Variants in CWC27 observed in about 807,000 individuals in gnomAD.
CWC27 encodes CWC27 spliceosome associated cyclophilin, also known as spliceosome-associated protein CWC27 homolog.
CWC27 carries 47 observed loss-of-function variants against 63.6 expected under a neutral mutation model. The ratio of observed to expected loss-of-function variants is 0.74; its 90% CI spans 0.58 to 0.94. The LOEUF (loss-of-function observed/expected upper bound fraction) is 0.94, where lower values mean the gene tolerates loss of function less well. CWC27 is among the 40% of genes least tolerant of loss of function. The pLI, the probability that CWC27 is intolerant of heterozygous loss-of-function variation, is 0.00. For missense variants in CWC27, 495 were observed against 554.3 expected (o/e 0.89, Z 1.07); for synonymous variants, 175 against 179.8 (o/e 0.97, Z 0.22).
At chr5:64,988,551 G>T (rs1749477247) in intron 13 of CWC27, among the ~76,000 whole-genome samples, 1 of 151,052 alleles carries the variant, frequency 6.6e-6, no homozygotes, top group African/African-American at 2.4e-5. Context: ...ATTTGTATCT[G>T]TCCCATGTAT....
At chr5:64,975,462 G>T (rs963421649) in intron 12 of CWC27, among the ~76,000 whole-genome samples, 1 of 151,990 alleles carries the variant, frequency 6.6e-6, no homozygotes, top group African/African-American at 2.4e-5. Context: ...TCTCGGACAG[G>T]TAGTATTTTA....
chr5:65,010,697 A>G (rs1417980636), intron 13 of CWC27, among the ~76,000 whole-genome samples: 2 of 152,170 alleles, frequency 1.3e-5, no homozygotes, highest in East Asian at 3.9e-4. Flanking sequence ...AAGGCTAATC[A>G]TACACTAGAC....
At chr5:64,947,479 G>A (rs936968966) in intron 11 of CWC27, among the ~76,000 whole-genome samples, 4 of 152,008 alleles carry the variant, frequency 2.6e-5, no homozygotes, top group African/African-American at 9.7e-5. Flanking sequence ...GGTTTTCATT[G>A]ACAAAATGGT....
intron 10 of CWC27, among the ~76,000 whole-genome samples, chr5:64,841,327 G>A (rs1397418628): frequency 6.6e-6 from 1 of 152,146 alleles, no homozygotes; most frequent in Non-Finnish European, 1.5e-5. Context: ...ACATGATAAT[G>A]GCATTAATCT....
chr5:65,005,711 A>C (rs946251379), intron 13 of CWC27, among the ~76,000 whole-genome samples: 2 of 152,218 alleles, frequency 1.3e-5, no homozygotes, highest in Admixed American at 1.3e-4. Flanking sequence ...TAGTTTCTTA[A>C]TTCCTAAAGA....
chr5:64,885,610 C>T, intron 11 of CWC27, 64 bp downstream of exon 11: 2 of 1,206,490 alleles, frequency 1.7e-6, no homozygotes, highest in Non-Finnish European at 2.4e-6. Flanking sequence ...TTCTTAGCTC[C>T]TCCCTGCCCG....
intron 7 of CWC27, among the ~76,000 whole-genome samples, chr5:64,795,121 C>T (rs1480293386): frequency 6.6e-6 from 1 of 152,060 alleles, no homozygotes; most frequent in Non-Finnish European, 1.5e-5. Context: ...GATGTTTTGT[C>T]CTATTCTAGT....
chr5:64,954,080 C>T (rs931648882), intron 11 of CWC27, among the ~76,000 whole-genome samples: 1 of 152,112 alleles, frequency 6.6e-6, no homozygotes, highest in Non-Finnish European at 1.5e-5. Context: ...ATTCTAGGCT[C>T]TGGACATAAA....
In CWC27 at chr5:64,883,864, T is replaced by C. The variant is rs189097725; in HGVS notation, c.939-1579T>C. On this transcript the variant is annotated intron_variant, in intron 10 of 13. Coordinates refer to ENST00000381070, the MANE Select transcript of CWC27 (RefSeq NM_005869.4). ...TTTGTTTGCTGAATAAAAGGATCAG[T>C]GAGGTGGGAGTGTTTGAAATTGTAA... is the stretch of plus-strand genomic sequence containing the variant. Among the ~76,000 whole-genome samples, 5 of 152,248 alleles carry C rather than the reference T, an allele frequency of 3.3e-5. No individual in the cohort carries two copies. In the East Asian group the frequency reaches 9.7e-4, roughly 29 times the overall value.
At chr5:64,809,861 A>G (rs1418274745) in intron 10 of CWC27, among the ~76,000 whole-genome samples, 1 of 151,992 alleles carries the variant, frequency 6.6e-6, no homozygotes, top group Non-Finnish European at 1.5e-5. Context: ...TCTTCACTCT[A>G]TTCATTTCCT....
intron 10 of CWC27, among the ~76,000 whole-genome samples, chr5:64,840,362 TAAAAAAAAAAAA>T (rs10534375): frequency 5.4e-4 from 12 of 22,230 alleles, no homozygotes; most frequent in East Asian, 1.7e-3. Context: ...CCTTTTTCAT[TAAAAAAAAAAAA>T]AAAAAAAAAA....
intron 10 of CWC27, among the ~76,000 whole-genome samples, chr5:64,815,506 C>T (rs1408084754): frequency 1.3e-5 from 2 of 152,168 alleles, no homozygotes; most frequent in Non-Finnish European, 2.9e-5. Flanking sequence ...ATAAACCTTT[C>T]ATAGGGAGGA....
chr5:64,818,907 T>C (rs930871484), intron 10 of CWC27, among the ~76,000 whole-genome samples: 3 of 152,210 alleles, frequency 2.0e-5, no homozygotes, highest in Non-Finnish European at 4.4e-5. Flanking sequence ...TAGCCTGTGC[T>C]GTATAGTATG....
intron 11 of CWC27, among the ~76,000 whole-genome samples, chr5:64,971,360 A>C (rs1233363084): frequency 6.6e-6 from 1 of 152,226 alleles, no homozygotes; most frequent in Non-Finnish European, 1.5e-5. Flanking sequence ...GCAAGGAAAA[A>C]ATGTAAAATG....
chr5:64,991,763 C>T (rs1309554), intron 13 of CWC27, among the ~76,000 whole-genome samples: 68,227 of 151,998 alleles, frequency 0.45, 15,481 homozygotes, highest in African/African-American at 0.47. Context: ...TAAAAACCAA[C>T]GGAAACCAAT....
intron 11 of CWC27, among the ~76,000 whole-genome samples, chr5:64,940,270 T>C (rs1013770693): frequency 6.6e-6 from 1 of 152,114 alleles, no homozygotes; most frequent in African/African-American, 2.4e-5. Flanking sequence ...TCCCCTGGTC[T>C]TTGGGTTGCG....
chr5:64,883,414 G>A (rs1001919359), intron 10 of CWC27, among the ~76,000 whole-genome samples: 15 of 152,170 alleles, frequency 9.9e-5, no homozygotes, highest in African/African-American at 3.6e-4. Context: ...ATATAGGAGT[G>A]ATAGTTGATG....
At chr5:64,788,460 A>G (rs112445695) in intron 6 of CWC27, among the ~76,000 whole-genome samples, 1 of 152,016 alleles carries the variant, frequency 6.6e-6, no homozygotes, top group African/African-American at 2.4e-5. Flanking sequence ...CTTGTGGGCT[A>G]TTTTAGTTGT....
At chr5:64,877,268 G>A (rs1468878265) in intron 10 of CWC27, among the ~76,000 whole-genome samples, 1 of 151,980 alleles carries the variant, frequency 6.6e-6, no homozygotes, top group African/African-American at 2.4e-5. Flanking sequence ...CAGCAACGTG[G>A]AAGGAACAAG....
Sources: gnomAD v4.1 joint callset for allele counts (sites outside exome capture counted in the v4.1 genomes callset) on GRCh38, gnomAD v4.1.1 for gene constraint, MANE v1.5 for transcripts, NCBI Gene and HGNC (gene_info 2026-07-23, HGNC 2026-07-21) for gene names.